Variants in PHLPP1 observed in about 807,000 individuals in gnomAD.
The protein encoded by PHLPP1 is PH domain and leucine rich repeat protein phosphatase 1.
Under a neutral mutation model 117.2 loss-of-function variants are expected in PHLPP1, and 42 were observed. The observed-to-expected ratio is 0.36, with a 90% CI of 0.28 to 0.46. The LOEUF (loss-of-function observed/expected upper bound fraction) is 0.46. Ranked by LOEUF, PHLPP1 falls within the 20% of genes least tolerant of loss-of-function variation. The probability of loss-of-function intolerance (pLI) is 1.00; values close to 1 mark genes in which losing one functional copy is unlikely to be tolerated. For missense variants in PHLPP1, 2,084 were observed against 2,241.9 expected, an observed-to-expected ratio of 0.93 and a Z score of 1.42; for synonymous variants, 1,042 against 970.7, an observed-to-expected ratio of 1.07 and a Z score of -1.37.
chr18:62,851,749 G>A (rs1915356732), intron 3 of PHLPP1, among the ~76,000 whole-genome samples: 1 of 152,010 alleles, frequency 6.6e-6, no homozygotes, highest in South Asian at 2.1e-4. Flanking sequence ...GTGAGCCACT[G>A]TGCCCAGCCC....
At chr18:62,729,886 A>G (rs1444074086) in intron 1 of PHLPP1, among the ~76,000 whole-genome samples, 1 of 152,254 alleles carries the variant, frequency 6.6e-6, no homozygotes, top group Non-Finnish European at 1.5e-5. Flanking sequence ...AAACATTTCT[A>G]TCACCCTGTA....
At chr18:62,791,025 G>A (rs1045537590) in intron 1 of PHLPP1, among the ~76,000 whole-genome samples, 1 of 152,132 alleles carries the variant, frequency 6.6e-6, no homozygotes, top group Non-Finnish European at 1.5e-5. Flanking sequence ...GCTGAGTTGA[G>A]GAGCTGGCGA....
intron 4 of PHLPP1, among the ~76,000 whole-genome samples, chr18:62,891,959 AG>A (rs1400277933): frequency 6.6e-6 from 1 of 151,282 alleles, no homozygotes; most frequent in Non-Finnish European, 1.5e-5. Context: ...ACAGTAATAA[AG>A]CATATTAACA....
chr18:62,919,201 C>A (rs751033773), intron 9 of PHLPP1, among the ~76,000 whole-genome samples: 1 of 152,100 alleles, frequency 6.6e-6, no homozygotes, highest in South Asian at 2.1e-4. Context: ...GGCCTGTTTT[C>A]TCTGTAATGT....
chr18:62,788,144 G>A (rs1441182726), intron 1 of PHLPP1, among the ~76,000 whole-genome samples: 1 of 152,208 alleles, frequency 6.6e-6, no homozygotes, highest in Non-Finnish European at 1.5e-5. Context: ...CTGAGGCGCA[G>A]CAGAGAGGCC....
chr18:62,899,055 C>T (rs923722716), intron 6 of PHLPP1, among the ~76,000 whole-genome samples: 1 of 152,108 alleles, frequency 6.6e-6, no homozygotes. Context: ...CTGCTTCGGC[C>T]TCCCAAAGTG....
intron 4 of PHLPP1, among the ~76,000 whole-genome samples, chr18:62,863,006 C>T (rs1915669723): frequency 6.6e-6 from 1 of 151,656 alleles, no homozygotes; most frequent in Non-Finnish European, 1.5e-5. Context: ...CCTGATTGTC[C>T]CCTGTAGCTG....
intron 3 of PHLPP1, among the ~76,000 whole-genome samples, chr18:62,850,395 G>GC (rs754576903): frequency 9.5e-6 from 1 of 105,634 alleles, no homozygotes; most frequent in Non-Finnish European, 2.0e-5. Context: ...TCGGGGGGGC[G>GC]GGGGGGAAAA....
At position 62,919,927 on chromosome 18, in the gene PHLPP1, C is replaced by T. The variant is rs1353152072; in HGVS notation, c.2805-32C>T. 2.6e-6 allele frequency: 4 copies of T among 1,518,744 alleles called. No homozygotes were observed. The Admixed American group carries it at 6.3e-5, about 24-fold the overall frequency. The allele number at this position is 1,518,744 out of a possible 1,614,324, so 94.1% of individuals were successfully genotyped here. On this transcript the variant is annotated intron_variant, in intron 9 of 16. Coordinates refer to ENST00000262719, the MANE Select transcript of PHLPP1 (RefSeq NM_194449.4). ...ATTTTAAGTATTCTTTACTCTTTTT[C>T]ATTTTTTGGTCTTTTGTCCCTTTTT...
chr18:62,817,638 G>A (rs1914324872), intron 1 of PHLPP1, among the ~76,000 whole-genome samples: 1 of 151,768 alleles, frequency 6.6e-6, no homozygotes, highest in Non-Finnish European at 1.5e-5. Context: ...CCCTGGAGAG[G>A]CCTTATGAGG....
intron 10 of PHLPP1, among the ~76,000 whole-genome samples, chr18:62,927,254 G>A (rs558148415): frequency 3.3e-5 from 5 of 152,064 alleles, no homozygotes; most frequent in African/African-American, 9.6e-5. Flanking sequence ...ATATAGCATC[G>A]AACTAAGAAA....
intron 4 of PHLPP1, among the ~76,000 whole-genome samples, chr18:62,872,162 A>G (rs1174800165): frequency 1.3e-5 from 2 of 152,242 alleles, no homozygotes; most frequent in African/African-American, 2.4e-5. Flanking sequence ...GGGAAAATGA[A>G]GACCTAAAGA....
At chr18:62,734,420 T>G (rs748288397) in intron 1 of PHLPP1, among the ~76,000 whole-genome samples, 2 of 152,230 alleles carry the variant, frequency 1.3e-5, no homozygotes, top group Non-Finnish European at 2.9e-5. Context: ...TATTAGCTCT[T>G]TTATCCATGG....
chr18:62,853,104 C>T (rs1915401181), intron 3 of PHLPP1, among the ~76,000 whole-genome samples: 1 of 152,130 alleles, frequency 6.6e-6, no homozygotes, highest in African/African-American at 2.4e-5. Flanking sequence ...ATTGAGTCAT[C>T]TGAAAATTTT....
intron 15 of PHLPP1, among the ~76,000 whole-genome samples, chr18:62,974,387 G>T (rs938409897): frequency 1.3e-5 from 2 of 152,172 alleles, no homozygotes; most frequent in African/African-American, 4.8e-5. Context: ...ATGCATGCAA[G>T]TAGGCAGCCC....
chr18:62,832,164 C>T (rs1439315831), intron 2 of PHLPP1: 1 of 152,236 alleles, frequency 6.6e-6, no homozygotes, highest in Non-Finnish European at 1.5e-5. Context: ...AGGCACTGTG[C>T]TTGGCACCCC....
chr18:62,923,998 A>C (rs901603570), intron 10 of PHLPP1, among the ~76,000 whole-genome samples: 2 of 152,246 alleles, frequency 1.3e-5, no homozygotes, highest in Non-Finnish European at 2.9e-5. Context: ...ATGACTAAAC[A>C]TAGGAATTAT....
intron 4 of PHLPP1, 76 bp downstream of exon 4, chr18:62,860,677 ATTCTCATG>A: frequency 2.5e-6 from 3 of 1,213,492 alleles, no homozygotes; most frequent in Admixed American, 2.4e-5. Context: ...TCTCTTGAAT[ATTCTCATG>A]AAAAAAGCTA....
intron 3 of PHLPP1, among the ~76,000 whole-genome samples, chr18:62,848,511 G>T (rs1325308707): frequency 6.3e-5 from 8 of 126,722 alleles, no homozygotes; most frequent in Non-Finnish European, 9.4e-5. Context: ...CGCTCAAGCT[G>T]CTGTGCAGTG....
Sources: gnomAD v4.1 joint callset for allele counts (sites outside exome capture counted in the v4.1 genomes callset) on GRCh38, gnomAD v4.1.1 for gene constraint, MANE v1.5 for transcripts, NCBI Gene and HGNC (gene_info 2026-07-23, HGNC 2026-07-21) for gene names.